LGMN: variants seen among roughly 807,000 people sequenced by gnomAD.
LGMN encodes the protein asparaginyl endopeptidase.
In LGMN, 36 loss-of-function variants were observed where a neutral mutation model predicts 56.8. The ratio of observed to expected loss-of-function variants is 0.63; its 90% confidence interval spans 0.49 to 0.84. The LOEUF (loss-of-function observed/expected upper bound fraction) is 0.84, where lower values mean the gene tolerates loss of function less well. LGMN is among the 40% of genes least tolerant of loss of function. LGMN has a pLI of 0.00. For synonymous variants in LGMN, 199 were observed against 210.1 expected (o/e 0.95, Z 0.46); for missense variants, 446 against 556.1 (o/e 0.80, Z 1.99).
At chr14:92,708,379 C>T (rs944677739) in intron 11 of LGMN, among the ~76,000 whole-genome samples, 2 of 152,136 alleles carry the variant, frequency 1.3e-5, no homozygotes, top group Non-Finnish European at 2.9e-5. Flanking sequence ...GGGAAGATCA[C>T]TTGAGCTCAG....
At position 92,704,234 on chromosome 14, in the gene LGMN, A is replaced by G; in HGVS notation, c.*85T>C. ...CCCCAGGAGGGCCCGAGCAGCGGAG[A>G]CTTCTCACTCCACCTCTCCAGTCTC... On this transcript the variant is annotated 3_prime_UTR_variant, in exon 14 of 14. Coordinates refer to ENST00000334869, the MANE Select transcript of LGMN (RefSeq NM_005606.7). 1 of 1,583,962 alleles carries G rather than the reference A, an allele frequency of 6.3e-7. No homozygotes were observed. The highest frequency in any genetic ancestry group is 1.1e-5 in the South Asian group (1 of 90,534).
At chr14:92,743,294 G>T (rs1010640407) in intron 1 of LGMN, among the ~76,000 whole-genome samples, 3 of 152,160 alleles carry the variant, frequency 2.0e-5, no homozygotes, top group African/African-American at 7.2e-5. Flanking sequence ...GAGGTCAGGA[G>T]ATCGAGACCA....
chr14:92,714,508 C>A lies in LGMN; in HGVS notation c.405-57G>T. The A allele has an allele frequency of 8.0e-7, 1 of 1,256,244 alleles. No individual in the cohort carries two copies. Among genetic ancestry groups the A allele is most frequent in the Non-Finnish European group, 1.1e-6 (1 of 869,762 alleles). The allele number at this position is 1,256,244 out of a possible 1,614,324, so 77.8% of individuals were successfully genotyped here. A position where few individuals can be genotyped will look rare whatever the true frequency, so the allele number is the denominator to read the frequency against. ...CCTTTTTCTGTTTTTACTTCTATTT[C>A]TCTGAAAAGCTGCCCTAATCAAAAA... On this transcript the variant is annotated intron_variant, in intron 5 of 13. Coordinates refer to ENST00000334869, the MANE Select transcript of LGMN (RefSeq NM_005606.7). The surrounding 1 kb of genome is among the most constrained non-coding windows in gnomAD (Gnocchi z 5.1).
chr14:92,718,465 T>C (rs891144459), intron 3 of LGMN, among the ~76,000 whole-genome samples: 2 of 152,082 alleles, frequency 1.3e-5, no homozygotes, highest in African/African-American at 4.8e-5. Context: ...TCCCAGCTTC[T>C]TGGGAGGCTG....
intron 7 of LGMN, among the ~76,000 whole-genome samples, 155 bp downstream of exon 7, chr14:92,713,668 A>G (rs551449173): frequency 2.1e-3 from 321 of 152,314 alleles, no homozygotes; most frequent in Non-Finnish European, 3.8e-3. Context: ...GCTAAAGCCG[A>G]AAGCCTCATC....
At position 92,704,676 on chromosome 14, in the gene LGMN, A is replaced by C; in HGVS notation, c.1223T>G (p.Leu408Arg). 6.2e-7 allele frequency: 1 copy of C among 1,613,756 alleles called. No individual in the cohort carries two copies. The highest frequency in any genetic ancestry group is 8.5e-7 in the Non-Finnish European group (1 of 1,179,600). The change falls in exon 13 of 14, where the codon CTG becomes CGG. Residue 408 changes from leucine to arginine, a missense_variant. Leu to Arg is a moderately radical substitution (Grantham distance 102). Transcript: ENST00000334869. ...YEYALRHLYV[L>R]VNLCEKPYPL... ...ATACGGCTTCTCACAAAGGTTGACC[A>C]GCACGTACAAATGTCTCAACGCATA... is the stretch of plus-strand genomic sequence containing the variant.
intron 1 of LGMN, 57 bp downstream of exon 1, chr14:92,748,432 G>A (rs1015183761): frequency 6.5e-6 from 1 of 153,300 alleles, no homozygotes; most frequent in Non-Finnish European, 1.5e-5. Context: ...GCAGACGGGA[G>A]GCCCTGGCCT....
chr14:92,726,427 A>G (rs2140248497), intron 2 of LGMN, among the ~76,000 whole-genome samples: 1 of 152,014 alleles, frequency 6.6e-6, no homozygotes, highest in South Asian at 2.1e-4. Flanking sequence ...AATATCTACT[A>G]TCTGGCCCTT....
intron 11 of LGMN, among the ~76,000 whole-genome samples, chr14:92,707,500 G>A (rs1460359871): frequency 2.0e-5 from 3 of 152,146 alleles, no homozygotes; most frequent in Admixed American, 6.5e-5. Flanking sequence ...AAAGAACAGC[G>A]CCCGACGGCG....
rs1889645497 is a variant in LGMN at position 92,709,710 on chromosome 14, A to G, written c.982T>C (p.Ser328Pro). ...KLMNTNDLEE[S>P]RQLTEEIQRH... ...TGGATCTCCTCCGTGAGCTGCCTGGACTCCTCCAGATCATTGGTGTTCATC... is the reference window on the plus strand; with the variant it reads ...TGGATCTCCTCCGTGAGCTGCCTGGGCTCCTCCAGATCATTGGTGTTCATC... Residue 328 changes from serine (S) to proline (P), a missense_variant, in exon 11 of 14, where the codon TCC becomes CCC. By Grantham distance (74) the Ser-to-Pro change is moderately conservative. Transcript: ENST00000334869. The G allele has an allele frequency of 5.6e-6, 9 of 1,613,230 alleles. No individual in the cohort carries two copies. In the East Asian group the frequency reaches 2.0e-4, roughly 36 times the overall value.
rs1199624185 is a variant in LGMN, at chr14:92,738,282, C to CTTTTTT, written c.-29-5473_-29-5468dup. ...ATACAGAAAATGACATTTTCTTTTTCTTTTTTTTTTTTTTGAGACAGAGTC... is the reference window on the plus strand; with the variant it reads ...ATACAGAAAATGACATTTTCTTTTTCTTTTTTTTTTTTTTTTTTTTGAGACAGAGTC... On this transcript the variant is annotated intron_variant, in intron 1 of 13. Transcript: ENST00000334869. Among the ~76,000 whole-genome samples the CTTTTTT allele has an allele frequency of 2.1e-5, 3 of 142,094 alleles. No homozygotes were observed. The South Asian group carries it at 6.8e-4, about 32-fold the overall frequency. 93.2% of individuals were successfully genotyped at this position (142,094 alleles called of 152,430 possible). A position where few individuals can be genotyped will look rare whatever the true frequency, so the allele number is the denominator to read the frequency against.
At chr14:92,726,755 A>G (rs531054613) in intron 2 of LGMN, among the ~76,000 whole-genome samples, 2 of 152,176 alleles carry the variant, frequency 1.3e-5, no homozygotes, top group Admixed American at 1.3e-4. Flanking sequence ...CTGTCCTTGC[A>G]TGCCCTGTGG....
intron 1 of LGMN, among the ~76,000 whole-genome samples, chr14:92,746,070 C>T (rs894734894): frequency 6.6e-6 from 1 of 152,170 alleles, no homozygotes; most frequent in African/African-American, 2.4e-5. Context: ...ATCCGCCCGC[C>T]TCGGCCTCCC....
rs949676038 is a variant in LGMN, at chr14:92,714,792, T to TCCAA, written c.405-345_405-342dup. The stretch of plus-strand genomic sequence containing the variant: ...GGCCTCATCCCAGGCAGCCACACTC[T>TCCAA]CCAACCAGATCTCCCCAAAATGACC... On this transcript the variant is annotated intron_variant, in intron 5 of 13. Transcript: ENST00000334869. The surrounding 1 kb of genome is among the most constrained non-coding windows in gnomAD (Gnocchi z 5.1). 1.3e-5 allele frequency among the ~76,000 whole-genome samples: 2 copies of TCCAA among 152,098 alleles called. No individual in the cohort carries two copies. Among genetic ancestry groups the TCCAA allele is most frequent in the Non-Finnish European group, 2.9e-5 (2 of 68,010 alleles).
chr14:92,713,128 A>G (rs1384995242), intron 7 of LGMN, among the ~76,000 whole-genome samples: 1 of 152,242 alleles, frequency 6.6e-6, no homozygotes, highest in Non-Finnish European at 1.5e-5. Flanking sequence ...GATGCTAAGG[A>G]AAACGGTTCC....
intron 8 of LGMN, 120 bp downstream of exon 8, chr14:92,712,685 T>G: frequency 1.1e-6 from 1 of 874,524 alleles, no homozygotes; most frequent in Admixed American, 2.1e-5. Context: ...ATCTCCCCAC[T>G]TCTATGGCCC....
chr14:92,724,870 G>A (rs1216660845), intron 2 of LGMN, among the ~76,000 whole-genome samples: 2 of 152,202 alleles, frequency 1.3e-5, no homozygotes, highest in Non-Finnish European at 2.9e-5. Flanking sequence ...CACAGTTGCT[G>A]TAAAGGGTCC....
intron 2 of LGMN, among the ~76,000 whole-genome samples, chr14:92,731,423 C>T (rs1595556539): frequency 6.6e-6 from 1 of 152,330 alleles, no homozygotes; most frequent in African/African-American, 2.4e-5. Context: ...CTCATTCCTG[C>T]AAAGAGAGAC....
intron 10 of LGMN, 72 bp from the exon 11 acceptor site, chr14:92,709,944 G>A (rs1889672088): frequency 1.6e-6 from 2 of 1,274,684 alleles, no homozygotes; most frequent in African/African-American, 3.0e-5. Flanking sequence ...GAGAGAGAGG[G>A]AGAGAGAGAG....
Sources: gnomAD v4.1 joint callset for allele counts (sites outside exome capture counted in the v4.1 genomes callset) on GRCh38, gnomAD v4.1.1 for gene constraint, Gnocchi (gnomAD v3.1) non-coding constraint, MANE v1.5 for transcripts, NCBI Gene and HGNC (gene_info 2026-07-23, HGNC 2026-07-21) for gene names.